Variants in NRXN1 observed in about 807,000 individuals in gnomAD.
NRXN1 encodes the protein neurexin-1.
A neutral mutation model predicts 150.9 loss-of-function variants in NRXN1; 39 were observed. The ratio of observed to expected loss-of-function variants is 0.26; its 90% CI spans 0.20 to 0.34. The LOEUF is 0.34. Among genes scored for constraint, NRXN1 ranks in the 10% least tolerant of loss-of-function variants. The probability of loss-of-function intolerance (pLI) is 1.00; values close to 1 mark genes in which losing one functional copy is unlikely to be tolerated. For missense variants in NRXN1, 1,815 were observed against 1,949.9 expected (o/e 0.93, Z 1.30); for synonymous variants, 924 against 757.0 (o/e 1.22, Z -3.62).
intron 5 of NRXN1, among the ~76,000 whole-genome samples, chr2:50,766,670 C>T (rs1702420434): frequency 6.6e-6 from 1 of 152,016 alleles, no homozygotes; most frequent in Non-Finnish European, 1.5e-5. Flanking sequence ...TATCCTACCA[C>T]AGCCGTGCAA....
At chr2:50,569,062 G>A (rs6733205) in intron 8 of NRXN1, among the ~76,000 whole-genome samples, 33,150 of 151,960 alleles carry the variant, frequency 0.22, 3,908 homozygotes, top group East Asian at 0.35. Context: ...AACGTTGCAT[G>A]TTTTCACCTA....
chr2:50,849,892 C>T (rs1243403633), intron 5 of NRXN1, among the ~76,000 whole-genome samples: 2 of 152,074 alleles, frequency 1.3e-5, no homozygotes, highest in Non-Finnish European at 1.5e-5. Flanking sequence ...CACTTTATGA[C>T]TGAATTCTAA....
chr2:50,885,210 CT>C (rs1680044799), intron 5 of NRXN1, among the ~76,000 whole-genome samples: 1 of 151,412 alleles, frequency 6.6e-6, no homozygotes, highest in Admixed American at 6.6e-5. Flanking sequence ...TATGTACTAT[CT>C]TTTTTGGTCT....
At chr2:50,393,312 A>C (rs553794419) in intron 17 of NRXN1, among the ~76,000 whole-genome samples, 1 of 152,196 alleles carries the variant, frequency 6.6e-6, no homozygotes, top group East Asian at 1.9e-4. Context: ...TCGCCTCTTT[A>C]GACAAAGTGC....
At chr2:50,591,581 T>C (rs1475024021) in intron 8 of NRXN1, among the ~76,000 whole-genome samples, 3 of 152,212 alleles carry the variant, frequency 2.0e-5, no homozygotes, top group Non-Finnish European at 2.9e-5. Flanking sequence ...ATAATGCCTA[T>C]GATTTCCTTC....
chr2:50,533,213 G>T (rs935657160), intron 10 of NRXN1, among the ~76,000 whole-genome samples: 3 of 152,020 alleles, frequency 2.0e-5, no homozygotes, highest in Non-Finnish European at 2.9e-5. Context: ...TGACTTAAGA[G>T]ATCTCAGTCA....
chr2:50,329,098 T>C (rs1205005157), intron 17 of NRXN1, among the ~76,000 whole-genome samples: 1 of 152,004 alleles, frequency 6.6e-6, no homozygotes, highest in Non-Finnish European at 1.5e-5. Flanking sequence ...TCCTAAACAT[T>C]AATAGCACCA....
In NRXN1 at chr2:50,346,953, G is replaced by A; in HGVS notation, c.3365-109983C>T. ...ACCGGAGCATCCTCTGGTACATGGC[G>A]GGGCGCCCGCCGAGGGGCAGCCGCC... is the stretch of plus-strand genomic sequence containing the variant. On this transcript the variant is annotated intron_variant, in intron 17 of 22. Transcript: ENST00000401669. This position sits in a 1 kb window ranked among gnomAD's most constrained non-coding sequence, Gnocchi z 5.0. 7.3e-7 allele frequency: 1 copy of A among 1,368,296 alleles called. No homozygotes were observed. The highest frequency in any genetic ancestry group is 9.4e-7 in the Non-Finnish European group (1 of 1,060,640). 84.8% of individuals were successfully genotyped at this position (1,368,296 alleles called of 1,614,324 possible). A position where few individuals can be genotyped will look rare whatever the true frequency, so the allele number is the denominator to read the frequency against.
intron 17 of NRXN1, among the ~76,000 whole-genome samples, chr2:50,420,962 C>G (rs1449373162): frequency 9.2e-5 from 11 of 120,026 alleles, no homozygotes; most frequent in East Asian, 2.4e-4. Context: ...CAAAATAGAC[C>G]TGTGTGTGTG....
chr2:50,246,214 G>C (rs1218633364), intron 17 of NRXN1, among the ~76,000 whole-genome samples: 1 of 151,880 alleles, frequency 6.6e-6, no homozygotes, highest in African/African-American at 2.4e-5. Context: ...TTATTCTGAA[G>C]CTTCTAAATT....
chr2:50,942,490 G>A (rs761766333), intron 2 of NRXN1, among the ~76,000 whole-genome samples: 4 of 152,148 alleles, frequency 2.6e-5, no homozygotes, highest in Non-Finnish European at 5.9e-5. Context: ...ATACCCTACA[G>A]AGCCATGGAG....
chr2:50,219,965 A>G (rs1161728879), intron 18 of NRXN1, among the ~76,000 whole-genome samples: 1 of 56,798 alleles, frequency 1.8e-5, no homozygotes, highest in Non-Finnish European at 3.1e-5. Context: ...TATATATATT[A>G]TATATATATA....
chr2:50,806,495 T>C (rs1667527672), intron 5 of NRXN1, among the ~76,000 whole-genome samples: 1 of 152,190 alleles, frequency 6.6e-6, no homozygotes, highest in South Asian at 2.1e-4. Context: ...GTTTTACTTT[T>C]TGTAAGTTAA....
chr2:50,489,864 T>A (rs1200136756), intron 15 of NRXN1, among the ~76,000 whole-genome samples: 1 of 152,184 alleles, frequency 6.6e-6, no homozygotes. Context: ...AAACCAAATG[T>A]TGGATAGCAG....
At chr2:50,874,249 C>T (rs1678226575) in intron 5 of NRXN1, among the ~76,000 whole-genome samples, 1 of 151,766 alleles carries the variant, frequency 6.6e-6, no homozygotes, top group Non-Finnish European at 1.5e-5. Context: ...TAGTTAATTC[C>T]AGTTATTATT....
At chr2:50,589,443 C>T (rs905095024) in intron 8 of NRXN1, 1 of 151,686 alleles carries the variant, frequency 6.6e-6, no homozygotes, top group Non-Finnish European at 1.5e-5. Flanking sequence ...TGCAACCTCC[C>T]CATCCTGGGC....
intron 9 of NRXN1, among the ~76,000 whole-genome samples, chr2:50,545,110 A>G (rs17040822): frequency 0.04 from 6,158 of 152,258 alleles, 391 homozygotes; most frequent in African/African-American, 0.14. Flanking sequence ...TCTATGGAGA[A>G]CAGAGTAAAT....
At chr2:50,516,289 A>T in intron 12 of NRXN1, among the ~76,000 whole-genome samples, 1 of 152,210 alleles carries the variant, frequency 6.6e-6, no homozygotes, top group East Asian at 1.9e-4. Flanking sequence ...CATTAACCCA[A>T]GCACAACACA....
chr2:50,834,479 T>G (rs1003309258), intron 5 of NRXN1, among the ~76,000 whole-genome samples: 1 of 152,102 alleles, frequency 6.6e-6, no homozygotes, highest in African/African-American at 2.4e-5. Context: ...AAATTCACAG[T>G]GGCTTTTTAA....
Sources: gnomAD v4.1 joint callset for allele counts (sites outside exome capture counted in the v4.1 genomes callset) on GRCh38, gnomAD v4.1.1 for gene constraint, Gnocchi (gnomAD v3.1) non-coding constraint, MANE v1.5 for transcripts, NCBI Gene and HGNC (gene_info 2026-07-23, HGNC 2026-07-21) for gene names.